The following SLC67A1 variants were observed in gnomAD, a reference collection of about 807,000 sequenced individuals.
SLC67A1 encodes the protein solute carrier family 67 member A1.
At chr11:2,913,193 C>T in the SLC67A1 span, among the ~76,000 whole-genome samples, 1 of 152,220 alleles carries the variant, frequency 6.6e-6, no homozygotes, top group South Asian at 2.1e-4. Context: ...AGGCCCGCCG[C>T]CCCCCCAGCC....
chr11:2,900,981 C>G, the SLC67A1 span, among the ~76,000 whole-genome samples: 1 of 152,096 alleles, frequency 6.6e-6, no homozygotes, highest in Non-Finnish European at 1.5e-5. Flanking sequence ...CTTCTAAACA[C>G]AAAGGTGGAG....
At chr11:2,900,537 C>CA in the SLC67A1 span, among the ~76,000 whole-genome samples, 1 of 151,504 alleles carries the variant, frequency 6.6e-6, no homozygotes, top group Non-Finnish European at 1.5e-5. Context: ...ACTAAAAATA[C>CA]AAAAAAATTA....
At chr11:2,899,869 C>T in the SLC67A1 span, 74 of 699,954 alleles carry the variant, frequency 1.1e-4, no homozygotes, top group East Asian at 2.0e-3. Flanking sequence ...CCTCGCACAC[C>T]TCTGGGCAGT....
At chr11:2,914,739 G>A in the SLC67A1 span, 1 of 985,450 alleles carries the variant, frequency 1.0e-6, no homozygotes, top group Non-Finnish European at 1.2e-6. Context: ...CTGCTCCTGT[G>A]TACTTCTGGG....
At chr11:2,913,263 T>C in the SLC67A1 span, among the ~76,000 whole-genome samples, 4 of 152,246 alleles carry the variant, frequency 2.6e-5, no homozygotes, top group Non-Finnish European at 5.9e-5. Flanking sequence ...ACTCCGGTTC[T>C]TTCTGTTCTT....
chr11:2,924,230 C>T, the SLC67A1 span, among the ~76,000 whole-genome samples: 1 of 152,218 alleles, frequency 6.6e-6, no homozygotes, highest in Non-Finnish European at 1.5e-5. This position sits in a 1 kb window ranked among gnomAD's most constrained non-coding sequence, Gnocchi z 8.6. Context: ...CAGGCTGCTG[C>T]GCAGGTCGGG....
chr11:2,913,456 A>AT, the SLC67A1 span, among the ~76,000 whole-genome samples: 1 of 152,102 alleles, frequency 6.6e-6, no homozygotes, highest in African/African-American at 2.4e-5. Context: ...TGTTTGGGGA[A>AT]TGGGGGGACC....
At chr11:2,903,182 A>G in the SLC67A1 span, 1 of 1,468,618 alleles carries the variant, frequency 6.8e-7, no homozygotes, top group South Asian at 1.4e-5. Context: ...TCCACTGGGG[A>G]GGGGGTCCTG....
the SLC67A1 span, chr11:2,921,810 G>A: frequency 1.7e-5 from 6 of 360,824 alleles, no homozygotes; most frequent in East Asian, 9.2e-5. Flanking sequence ...GCCTGCGGCC[G>A]AGCCTGTCCC....
chr11:2,922,571 C>T, the SLC67A1 span: 23 of 1,590,232 alleles, frequency 1.4e-5, no homozygotes, highest in South Asian at 6.6e-5. Context: ...GTGTGGCCAG[C>T]GAGTGGAGCA....
At chr11:2,925,236 A>C in the SLC67A1 span, 1 of 1,576,832 alleles carries the variant, frequency 6.3e-7, no homozygotes, top group Non-Finnish European at 8.7e-7. The surrounding 1 kb of genome is among the most constrained non-coding windows in gnomAD (Gnocchi z 6.5). Flanking sequence ...ACTCCTACTA[A>C]ATCCCTCCGA....
chr11:2,899,695 C>T, the SLC67A1 span: 1 of 1,511,048 alleles, frequency 6.6e-7, no homozygotes. Flanking sequence ...CCAGGAAGTT[C>T]CCCCATTCAC....
the SLC67A1 span, among the ~76,000 whole-genome samples, chr11:2,900,776 C>T: frequency 2.7e-5 from 4 of 150,308 alleles, no homozygotes; most frequent in Admixed American, 1.3e-4. Context: ...GACATCCATG[C>T]GGGAACACAG....
the SLC67A1 span, chr11:2,916,800 C>T: frequency 6.9e-7 from 1 of 1,453,550 alleles, no homozygotes; most frequent in Non-Finnish European, 9.6e-7. Context: ...ATTGGCTAGG[C>T]CTGCGTGCTC....
the SLC67A1 span, among the ~76,000 whole-genome samples, chr11:2,905,288 G>A: frequency 4.6e-4 from 70 of 152,166 alleles, no homozygotes; most frequent in Non-Finnish European, 8.7e-4. Context: ...AAAGGACCCA[G>A]CACAGCCCAG....
the SLC67A1 span, chr11:2,899,926 T>G: frequency 2.0e-6 from 1 of 506,970 alleles, no homozygotes; most frequent in African/African-American, 1.9e-5. Context: ...CTCTAAGCCC[T>G]CCCCAGGGAA....
chr11:2,912,921 C>T, the SLC67A1 span, among the ~76,000 whole-genome samples: 1 of 152,126 alleles, frequency 6.6e-6, no homozygotes, highest in Non-Finnish European at 1.5e-5. Flanking sequence ...GTGCCAGGGC[C>T]CTGTGGGCAG....
the SLC67A1 span, among the ~76,000 whole-genome samples, chr11:2,922,892 T>C: frequency 1.3e-5 from 2 of 152,282 alleles, no homozygotes; most frequent in African/African-American, 4.8e-5. Context: ...CCCCGGGGAC[T>C]TCTGGGCCCT....
chr11:2,919,506 C>G, the SLC67A1 span: 86 of 830,588 alleles, frequency 1.0e-4, no homozygotes, highest in Middle Eastern at 1.7e-3. Flanking sequence ...GGCTGGGGAG[C>G]CCTTGGCCTC....
Sources: gnomAD v4.1 joint callset for allele counts (sites outside exome capture counted in the v4.1 genomes callset) on GRCh38, gnomAD v4.1.1 for gene constraint, Gnocchi (gnomAD v3.1) non-coding constraint, MANE v1.5 for transcripts, NCBI Gene and HGNC (gene_info 2026-07-23, HGNC 2026-07-21) for gene names.